The following IL1RAPL1 variants were observed in gnomAD, a reference collection of about 807,000 sequenced individuals.
IL1RAPL1 encodes the protein interleukin 1 receptor accessory protein like 1.
A neutral mutation model predicts 48.4 loss-of-function variants in IL1RAPL1; 3 were observed. The ratio of observed to expected loss-of-function variants is 0.06; its 90% CI spans 0.03 to 0.16. The LOEUF (loss-of-function observed/expected upper bound fraction) is 0.16, where lower values mean the gene tolerates loss of function less well. Among genes scored for constraint, IL1RAPL1 ranks in the 10% least tolerant of loss-of-function variants. The pLI is 1.00. For missense variants in IL1RAPL1, 349 were observed against 530.6 expected (o/e 0.66, Z 3.36); for synonymous variants, 185 against 187.7 (o/e 0.99, Z 0.12).
At chrX:28,854,840 G>T (rs113039754) in intron 2 of IL1RAPL1, among the ~76,000 whole-genome samples, 1 of 111,663 alleles carries the variant, frequency 9.0e-6, no homozygotes, top group Non-Finnish European at 1.9e-5. Context: ...GGCAAGACCA[G>T]TTCCTGGGAA....
chrX:29,038,276 C>A (rs1010446391), intron 2 of IL1RAPL1, among the ~76,000 whole-genome samples: 3 of 111,495 alleles, frequency 2.7e-5, no homozygotes, highest in African/African-American at 9.8e-5. Flanking sequence ...TTTAATTTTT[C>A]TATTTACTGT....
intron 6 of IL1RAPL1, among the ~76,000 whole-genome samples, chrX:29,813,617 G>A (rs1444060389): frequency 2.7e-5 from 3 of 110,210 alleles, no homozygotes; most frequent in Non-Finnish European, 5.7e-5. Context: ...AGATTTGGGG[G>A]TACATGTGCA....
At chrX:28,774,888 A>G (rs1936346617) in intron 1 of IL1RAPL1, among the ~76,000 whole-genome samples, 1 of 111,601 alleles carries the variant, frequency 9.0e-6, no homozygotes, top group Non-Finnish European at 1.9e-5. Flanking sequence ...TCTCTGACCA[A>G]ACCTGGAAGT....
At chrX:29,942,056 C>CTGAT (rs1933138210) in intron 9 of IL1RAPL1, among the ~76,000 whole-genome samples, 1 of 112,188 alleles carries the variant, frequency 8.9e-6, no homozygotes, top group Non-Finnish European at 1.9e-5. Flanking sequence ...ATTACAAACA[C>CTGAT]TGATTGCAAT....
chrX:29,190,557 G>A (rs1186616625), intron 2 of IL1RAPL1, among the ~76,000 whole-genome samples: 1 of 112,043 alleles, frequency 8.9e-6, no homozygotes, highest in Non-Finnish European at 1.9e-5. Context: ...TATAGATGTT[G>A]CCCATTTGTA....
intron 2 of IL1RAPL1, among the ~76,000 whole-genome samples, chrX:28,976,080 A>T (rs1398857700): frequency 8.9e-6 from 1 of 112,544 alleles, no homozygotes; most frequent in Non-Finnish European, 1.9e-5. Flanking sequence ...AATGTCTTGT[A>T]AGTTAAAAGA....
At chrX:28,829,774 G>T (rs956860053) in intron 2 of IL1RAPL1, among the ~76,000 whole-genome samples, 1 of 109,962 alleles carries the variant, frequency 9.1e-6, no homozygotes, top group African/African-American at 3.3e-5. Flanking sequence ...TGGCCGGGCT[G>T]GTCTCGAGCT....
At chrX:29,232,287 C>T (rs922464182) in intron 2 of IL1RAPL1, among the ~76,000 whole-genome samples, 12 of 110,687 alleles carry the variant, frequency 1.1e-4, no homozygotes, top group South Asian at 3.7e-4. Context: ...ATGATTTTAC[C>T]GTAAAATAAA....
intron 2 of IL1RAPL1, among the ~76,000 whole-genome samples, chrX:29,138,605 TAAAAATTAAAAAAAAAA>T (rs1471268508): frequency 1.6e-5 from 1 of 62,075 alleles, no homozygotes; most frequent in African/African-American, 5.3e-5. Context: ...CCATCTCTAC[TAAAAATTAAAAAAAAAA>T]AAAAATTAGC....
At chrX:28,697,222 A>C in intron 1 of IL1RAPL1, among the ~76,000 whole-genome samples, 1 of 110,217 alleles carries the variant, frequency 9.1e-6, no homozygotes, top group Admixed American at 9.8e-5. Context: ...CTATTGTACT[A>C]TTTATTCTCT....
intron 2 of IL1RAPL1, among the ~76,000 whole-genome samples, chrX:28,858,497 C>T (rs987528878): frequency 8.9e-6 from 1 of 112,154 alleles, no homozygotes; most frequent in African/African-American, 3.2e-5. Flanking sequence ...AGTTAGTCAG[C>T]AGCCACCAAC....
At chrX:29,163,206 G>T (rs1280423037) in intron 2 of IL1RAPL1, among the ~76,000 whole-genome samples, 1 of 111,729 alleles carries the variant, frequency 9.0e-6, no homozygotes, top group Non-Finnish European at 1.9e-5. Flanking sequence ...GTAAGTTGGG[G>T]CCAAAGAAAG....
chrX:28,731,104 T>C (rs73205785), intron 1 of IL1RAPL1, among the ~76,000 whole-genome samples: 3 of 112,141 alleles, frequency 2.7e-5, no homozygotes, highest in Non-Finnish European at 5.6e-5. Flanking sequence ...TGCCTCAAAA[T>C]AGGATCACCA....
At chrX:29,292,418 C>A (rs1295232149) in intron 3 of IL1RAPL1, among the ~76,000 whole-genome samples, 1 of 111,143 alleles carries the variant, frequency 9.0e-6, no homozygotes, top group Non-Finnish European at 1.9e-5. Context: ...ATCTGATAGA[C>A]CCAAACAAGT....
intron 2 of IL1RAPL1, among the ~76,000 whole-genome samples, chrX:29,080,228 A>T (rs1408489900): frequency 9.1e-6 from 1 of 109,348 alleles, no homozygotes; most frequent in Non-Finnish European, 1.9e-5. Context: ...CTCTACAAAA[A>T]ATTAGTTGAC....
intron 6 of IL1RAPL1, among the ~76,000 whole-genome samples, chrX:29,874,659 TAC>T (rs1404426597): frequency 2.7e-5 from 3 of 112,704 alleles, no homozygotes; most frequent in African/African-American, 9.7e-5. Flanking sequence ...GCCCTGCATT[TAC>T]AGATTCAGAT....
intron 5 of IL1RAPL1, among the ~76,000 whole-genome samples, chrX:29,589,960 T>A (rs1038726545): frequency 1.8e-5 from 2 of 111,218 alleles, no homozygotes; most frequent in African/African-American, 6.5e-5. Context: ...GTCACATGGC[T>A]TATGATTAAC....
At chrX:29,198,527 C>G (rs1382857747) in intron 2 of IL1RAPL1, among the ~76,000 whole-genome samples, 2 of 110,510 alleles carry the variant, frequency 1.8e-5, no homozygotes, top group Non-Finnish European at 3.8e-5. Context: ...AACTCCTGAC[C>G]TCATGATCCA....
chrX:29,393,180 C>G (rs972436140), intron 3 of IL1RAPL1, among the ~76,000 whole-genome samples: 6 of 111,744 alleles, frequency 5.4e-5, no homozygotes, highest in African/African-American at 1.3e-4. Flanking sequence ...GGCTTGCAGT[C>G]TCGCGATCTC....
Sources: allele counts gnomAD v4.1 joint callset (sites outside exome capture counted in the v4.1 genomes callset), GRCh38; gene constraint gnomAD v4.1.1; transcripts MANE v1.5; gene names NCBI Gene and HGNC (gene_info 2026-07-23, HGNC 2026-07-21).